KLHL4: variants seen among roughly 807,000 people sequenced by gnomAD.
KLHL4 encodes kelch like family member 4, also known as kelch-like protein 4.
In KLHL4, 17 loss-of-function variants were observed where a neutral mutation model predicts 45.8. That is an observed-to-expected ratio of 0.37 (90% CI 0.25 to 0.56). The LOEUF (loss-of-function observed/expected upper bound fraction) is 0.56, where lower values mean the gene tolerates loss of function less well. KLHL4 is among the 20% of genes least tolerant of loss of function. The probability of loss-of-function intolerance (pLI) is 0.79; values close to 1 mark genes in which losing one functional copy is unlikely to be tolerated. For synonymous variants in KLHL4, 224 were observed against 189.9 expected, an observed-to-expected ratio of 1.18 and a Z score of -1.47; for missense variants, 544 against 544.9, an observed-to-expected ratio of 1.00 and a Z score of 0.02.
chrX:87,633,703 G>A (rs748680984), intron 7 of KLHL4, 46 bp from the exon 8 acceptor site: 13 of 1,043,724 alleles, frequency 1.2e-5, no homozygotes, highest in Non-Finnish European at 1.7e-5. Flanking sequence ...AATATTCAGT[G>A]TGTGGCATAC....
intron 1 of KLHL4, among the ~76,000 whole-genome samples, chrX:87,563,275 C>T (rs1456591078): frequency 9.1e-6 from 1 of 109,501 alleles, no homozygotes; most frequent in East Asian, 2.9e-4. Flanking sequence ...AGGACCTCAT[C>T]AAAAATAAAA....
At chrX:87,666,092 T>C (rs1727832450) in intron 10 of KLHL4, among the ~76,000 whole-genome samples, 1 of 111,961 alleles carries the variant, frequency 8.9e-6, no homozygotes, top group Non-Finnish European at 1.9e-5. Flanking sequence ...CATCGTGTGA[T>C]CTTGAAAAGA....
intron 1 of KLHL4, among the ~76,000 whole-genome samples, chrX:87,611,126 A>C (rs1486769678): frequency 1.8e-5 from 2 of 112,104 alleles, no homozygotes; most frequent in Non-Finnish European, 3.8e-5. Context: ...TTTAAATTAA[A>C]AAATTGCTTT....
chrX:87,590,890 A>G (rs750042941), intron 1 of KLHL4, among the ~76,000 whole-genome samples: 2 of 112,014 alleles, frequency 1.8e-5, no homozygotes, highest in East Asian at 2.8e-4. Flanking sequence ...TCATTCATCT[A>G]TTGATGAAGA....
intron 1 of KLHL4, among the ~76,000 whole-genome samples, chrX:87,591,063 A>G (rs1422111461): frequency 3.6e-5 from 4 of 111,814 alleles, no homozygotes; most frequent in African/African-American, 6.5e-5. Flanking sequence ...AGGAATCCCT[A>G]TACTGTTTTC....
chrX:87,596,157 A>G (rs1011551683), intron 1 of KLHL4, among the ~76,000 whole-genome samples: 3 of 111,685 alleles, frequency 2.7e-5, no homozygotes, highest in African/African-American at 9.8e-5. Flanking sequence ...GTCTCCCCAG[A>G]AGCAGACCAG....
intron 1 of KLHL4, among the ~76,000 whole-genome samples, chrX:87,575,354 G>A (rs1451325394): frequency 9.0e-6 from 1 of 111,329 alleles, no homozygotes. Flanking sequence ...CACTCCTTAT[G>A]AGAATCCAAT....
intron 1 of KLHL4, among the ~76,000 whole-genome samples, chrX:87,523,453 T>C (rs1341717339): frequency 9.0e-6 from 1 of 111,346 alleles, no homozygotes; most frequent in African/African-American, 3.3e-5. Flanking sequence ...TCAAAATCAA[T>C]ATTCTGAAAG....
intron 2 of KLHL4, 60 bp downstream of exon 2, chrX:87,614,104 T>A: frequency 2.5e-6 from 2 of 809,567 alleles, no homozygotes; most frequent in East Asian, 3.2e-5. Flanking sequence ...TAAGAGATAA[T>A]GAGTACATGG....
At chrX:87,571,064 A>G (rs1932325924) in intron 1 of KLHL4, among the ~76,000 whole-genome samples, 1 of 110,834 alleles carries the variant, frequency 9.0e-6, no homozygotes, top group Admixed American at 9.6e-5. Context: ...TATTTATTTT[A>G]AACCTGTATC....
chrX:87,558,758 T>C (rs1340585090), intron 1 of KLHL4, among the ~76,000 whole-genome samples: 4 of 112,225 alleles, frequency 3.6e-5, no homozygotes, highest in African/African-American at 1.3e-4. Flanking sequence ...ATTAGAAACA[T>C]CCTTCCTTCA....
At chrX:87,528,478 A>C (rs1931160702) in intron 1 of KLHL4, among the ~76,000 whole-genome samples, 1 of 109,954 alleles carries the variant, frequency 9.1e-6, no homozygotes, top group Non-Finnish European at 1.9e-5. Flanking sequence ...GCACTTTGGG[A>C]GGCCGAGGCA....
Position 87,642,154 on chromosome X carries a change from C to T in KLHL4, c.1925+6379C>T, listed in dbSNP as rs1358664536. 5.4e-5 allele frequency among the ~76,000 whole-genome samples: 6 copies of T among 110,633 alleles called. No homozygotes were observed. The East Asian group carries it at 8.6e-4, about 16-fold the overall frequency. On this transcript the variant is annotated intron_variant, in intron 9 of 10. Coordinates refer to ENST00000373119, the MANE Select transcript of KLHL4 (RefSeq NM_019117.5). ...CAGACTCCATTGCACCCCCTGCCAC[C>T]TCCACTGGAAGAGGCACTGGTATCC...
intron 1 of KLHL4, among the ~76,000 whole-genome samples, chrX:87,549,122 A>G (rs1324421146): frequency 9.0e-6 from 1 of 111,046 alleles, no homozygotes; most frequent in African/African-American, 3.3e-5. Flanking sequence ...AGGAGTTGCT[A>G]TACTTATATC....
intron 1 of KLHL4, among the ~76,000 whole-genome samples, chrX:87,544,246 G>T (rs1931626948): frequency 9.0e-6 from 1 of 111,487 alleles, no homozygotes; most frequent in South Asian, 3.8e-4. Context: ...CTTTGGAAAG[G>T]GGAGGGAAGA....
chrX:87,639,875 C>T (rs222094), intron 9 of KLHL4, among the ~76,000 whole-genome samples: 12 of 102,473 alleles, frequency 1.2e-4, no homozygotes, highest in African/African-American at 4.4e-4. Flanking sequence ...ACAACAACAA[C>T]AAAAAAATAC....
At chrX:87,621,312 T>C (rs1485375453) in intron 4 of KLHL4, among the ~76,000 whole-genome samples, 1 of 110,856 alleles carries the variant, frequency 9.0e-6, no homozygotes, top group Admixed American at 9.7e-5. Flanking sequence ...ATCTTCACTA[T>C]GAGAAATGTT....
chrX:87,603,539 A>G (rs148467858), intron 1 of KLHL4, among the ~76,000 whole-genome samples: 1,500 of 110,914 alleles, frequency 0.014, 24 homozygotes, highest in African/African-American at 0.046. Context: ...ATCATCAAAC[A>G]ACAAATATTT....
At chrX:87,527,508 T>G (rs1931136339) in intron 1 of KLHL4, among the ~76,000 whole-genome samples, 1 of 111,101 alleles carries the variant, frequency 9.0e-6, no homozygotes, top group South Asian at 3.8e-4. Flanking sequence ...TAGGAAACAG[T>G]TGGACCTGCA....
Sources: gnomAD v4.1 joint callset for allele counts (sites outside exome capture counted in the v4.1 genomes callset) on GRCh38, gnomAD v4.1.1 for gene constraint, MANE v1.5 for transcripts, NCBI Gene and HGNC (gene_info 2026-07-23, HGNC 2026-07-21) for gene names.